Variants in MTA3 observed in about 807,000 individuals in gnomAD.
MTA3 encodes metastasis-associated protein MTA3.
In MTA3, 34 loss-of-function variants were observed where a neutral mutation model predicts 83.5. The ratio of observed to expected loss-of-function variants is 0.41; its 90% CI spans 0.31 to 0.54. MTA3 has a LOEUF of 0.54. Ranked by LOEUF, MTA3 falls within the 20% of genes least tolerant of loss-of-function variation. The probability of loss-of-function intolerance (pLI) is 0.33; values close to 1 mark genes in which losing one functional copy is unlikely to be tolerated. For missense variants in MTA3, 761 were observed against 726.4 expected (o/e 1.05, Z -0.55); for synonymous variants, 303 against 252.7 (o/e 1.20, Z -1.89).
chr2:42,547,953 T>C (rs1406085785), intron 2 of MTA3, among the ~76,000 whole-genome samples: 1 of 152,222 alleles, frequency 6.6e-6, no homozygotes, highest in African/African-American at 2.4e-5. Flanking sequence ...CCACGAGGAC[T>C]CAAATAAAGA....
chr2:42,724,233 A>G (rs750893037), intron 16 of MTA3, among the ~76,000 whole-genome samples: 18 of 147,098 alleles, frequency 1.2e-4, no homozygotes, highest in Non-Finnish European at 2.2e-4. Context: ...TGGCCTTTCT[A>G]GGCATATAAT....
At chr2:42,682,727 G>A (rs1692036854) in intron 9 of MTA3, 138 bp downstream of exon 9, 1 of 765,176 alleles carries the variant, frequency 1.3e-6, no homozygotes, top group African/African-American at 1.8e-5. Flanking sequence ...ATGAAGGTTA[G>A]TCTTGTAAAG....
At chr2:42,506,296 T>A (rs571625289) in intron 2 of MTA3, among the ~76,000 whole-genome samples, 52 of 151,822 alleles carry the variant, frequency 3.4e-4, no homozygotes, top group African/African-American at 1.2e-3. Flanking sequence ...AATAATTTTT[T>A]AGAAATTATC....
chr2:42,617,177 C>A (rs1685001603), intron 4 of MTA3, among the ~76,000 whole-genome samples: 1 of 152,100 alleles, frequency 6.6e-6, no homozygotes, highest in Non-Finnish European at 1.5e-5. Context: ...ATCTTAATAT[C>A]CAGTATTGGA....
At chr2:42,713,178 T>A (rs1327301533) in intron 14 of MTA3, among the ~76,000 whole-genome samples, 1 of 152,242 alleles carries the variant, frequency 6.6e-6, no homozygotes, top group Non-Finnish European at 1.5e-5. Context: ...TGGTTTGGGC[T>A]GATAACATAC....
Position 42,624,448 on chromosome 2 carries a change from GT to G in MTA3, c.317+14865del, listed in dbSNP as rs555394534. On this transcript the variant is annotated intron_variant, in intron 4 of 16. Coordinates refer to ENST00000405094, the MANE Select transcript of MTA3 (RefSeq NM_001330442.2). ...GCAGTTCTCTGCCTCAGCCTCCTAA[GT>G]AGCTGGGATTACAGGTGCCTGCCAC... 3.9e-5 allele frequency among the ~76,000 whole-genome samples: 6 copies of G among 152,184 alleles called. 1 individual carries two copies. In the South Asian group the frequency reaches 1.2e-3, roughly 32 times the overall value.
chr2:42,646,788 G>A (rs911492074), intron 6 of MTA3, among the ~76,000 whole-genome samples: 1 of 152,250 alleles, frequency 6.6e-6, no homozygotes, highest in African/African-American at 2.4e-5. Flanking sequence ...AAATGGCAAC[G>A]AAGGATTTGG....
At chr2:42,553,878 A>G (rs1237364029) in intron 2 of MTA3, among the ~76,000 whole-genome samples, 1 of 70,226 alleles carries the variant, frequency 1.4e-5, no homozygotes, top group African/African-American at 9.6e-5. Context: ...CTCAAAAAAA[A>G]AAAAAAAAAG....
chr2:42,643,826 T>G (rs1009143558), intron 5 of MTA3, among the ~76,000 whole-genome samples: 3 of 152,302 alleles, frequency 2.0e-5, no homozygotes, highest in East Asian at 3.9e-4. Flanking sequence ...TGGTTTAATT[T>G]TGCTAGCTCT....
chr2:42,602,007 T>A (rs1279878586), intron 3 of MTA3, among the ~76,000 whole-genome samples: 1 of 152,166 alleles, frequency 6.6e-6, no homozygotes, highest in Non-Finnish European at 1.5e-5. Context: ...GCCCGGCTAA[T>A]TTTTGTATTT....
Position 42,597,687 on chromosome 2 carries a change from T to TTG in MTA3, c.191-11770_191-11769insGT, listed in dbSNP as rs1681985875. ...GTGTGAGCCACCTCACCCACCTGTT[T>TTG]TTTTTTTTTTTGAGATGGGGTCTTG... is the stretch of plus-strand genomic sequence containing the variant. On this transcript the variant is annotated intron_variant, in intron 3 of 16. Transcript: ENST00000405094. Among the ~76,000 whole-genome samples, 5 of 148,498 alleles carry TTG rather than the reference T, an allele frequency of 3.4e-5. No individual in the cohort carries two copies. In the South Asian group the frequency reaches 1.1e-3, roughly 32 times the overall value.
At chr2:42,532,738 G>GTTT (rs35421981) in intron 2 of MTA3, 61 of 197,482 alleles carry the variant, frequency 3.1e-4, no homozygotes, top group South Asian at 1.2e-3. Flanking sequence ...CAATCCAGAG[G>GTTT]TTTTTTTTTT....
At chr2:42,640,296 C>A (rs1687592969) in intron 5 of MTA3, 60 bp downstream of exon 5, 3 of 1,177,564 alleles carry the variant, frequency 2.5e-6, no homozygotes, top group Admixed American at 2.4e-5. Context: ...GAAGCTCTTT[C>A]CTTGGAATTT....
At chr2:42,496,931 TGTG>T (rs1410716881) in intron 2 of MTA3, among the ~76,000 whole-genome samples, 1 of 152,130 alleles carries the variant, frequency 6.6e-6, no homozygotes, top group East Asian at 1.9e-4. Context: ...GGTGGCTGGG[TGTG>T]GTGGCTCACG....
At chr2:42,604,276 C>T (rs1241796359) in intron 3 of MTA3, among the ~76,000 whole-genome samples, 3 of 151,988 alleles carry the variant, frequency 2.0e-5, no homozygotes, top group African/African-American at 2.4e-5. Context: ...CTCCTGACCT[C>T]AGGTGATCCA....
At chr2:42,596,605 A>AT (rs1457415871) in intron 3 of MTA3, among the ~76,000 whole-genome samples, 2 of 152,158 alleles carry the variant, frequency 1.3e-5, no homozygotes, top group Non-Finnish European at 2.9e-5. Context: ...AATGGTTTAT[A>AT]TTTTTTGTGA....
chr2:42,692,420 C>CTT (rs796332869), intron 9 of MTA3, among the ~76,000 whole-genome samples: 12 of 130,632 alleles, frequency 9.2e-5, no homozygotes, highest in African/African-American at 2.5e-4. Flanking sequence ...ATCTTGAATT[C>CTT]TTTTTTTTTT....
intron 15 of MTA3, among the ~76,000 whole-genome samples, chr2:42,721,872 C>G (rs6718256): frequency 0.017 from 2,542 of 151,966 alleles, 62 homozygotes; most frequent in African/African-American, 0.058. Context: ...GCAAGGCTGG[C>G]AAACTTGTCA....
Position 42,605,834 on chromosome 2 carries a change from T to C in MTA3, c.191-3624T>C, listed in dbSNP as rs1312225896. Among the ~76,000 whole-genome samples, 131 of 84,026 alleles carry C rather than the reference T, an allele frequency of 1.6e-3. 1 individual carries two copies. Among genetic ancestry groups the C allele is most frequent in the South Asian group, 6.7e-3 (13 of 1,954 alleles). The allele number at this position is 84,026 out of a possible 152,430, so 55.1% of individuals were successfully genotyped here. On this transcript the variant is annotated intron_variant, in intron 3 of 16. Coordinates refer to ENST00000405094, the MANE Select transcript of MTA3 (RefSeq NM_001330442.2). The stretch of plus-strand genomic sequence containing the variant: ...CTCCCAGACGGGGCGGCTGGCCGGG[T>C]GGAGGGCTGACCCCCCCACCTCCCT...
Sources: allele counts gnomAD v4.1 joint callset (sites outside exome capture counted in the v4.1 genomes callset), GRCh38; gene constraint gnomAD v4.1.1; transcripts MANE v1.5; gene names NCBI Gene and HGNC (gene_info 2026-07-23, HGNC 2026-07-21).